The following CSMD1 variants were observed in gnomAD, a reference collection of about 807,000 sequenced individuals.
CSMD1 encodes CUB and sushi domain-containing protein 1.
A neutral mutation model predicts 417.5 loss-of-function variants in CSMD1; 213 were observed. That is an observed-to-expected ratio of 0.51 (90% CI 0.46 to 0.57). The LOEUF is 0.57. CSMD1 is among the 20% of genes least tolerant of loss of function. CSMD1 has a pLI of 0.00. For missense variants in CSMD1, 6,923 were observed against 4,529.7 expected (o/e 1.53, Z -15.17); for synonymous variants, 2,862 against 1,736.8 (o/e 1.65, Z -16.11).
At chr8:3,440,880 G>C (rs1487626947) in intron 12 of CSMD1, among the ~76,000 whole-genome samples, 8 of 152,170 alleles carry the variant, frequency 5.3e-5, no homozygotes, top group African/African-American at 1.9e-4. Context: ...GTTACAGCAG[G>C]CTTGATGGTG....
At chr8:3,240,951 G>T (rs1459418560) in intron 26 of CSMD1, among the ~76,000 whole-genome samples, 2 of 151,902 alleles carry the variant, frequency 1.3e-5, no homozygotes, top group Non-Finnish European at 2.9e-5. Flanking sequence ...CATGCTGTGG[G>T]ATGGGATATT....
intron 51 of CSMD1, among the ~76,000 whole-genome samples, chr8:3,027,041 C>G (rs28712477): frequency 4.6e-5 from 7 of 152,112 alleles, no homozygotes. Context: ...ACTACGACAT[C>G]TAAGACGGCA....
intron 3 of CSMD1, among the ~76,000 whole-genome samples, chr8:4,060,792 A>T (rs1223784284): frequency 1.3e-5 from 2 of 152,054 alleles, no homozygotes; most frequent in African/African-American, 2.4e-5. Flanking sequence ...CCCTGAGATT[A>T]AAAAAAGGTA....
At chr8:4,685,390 A>G (rs1243260571) in intron 1 of CSMD1, among the ~76,000 whole-genome samples, 1 of 152,114 alleles carries the variant, frequency 6.6e-6, no homozygotes, top group Non-Finnish European at 1.5e-5. Flanking sequence ...CCTGGCCAAC[A>G]TGGCAAAACC....
At chr8:4,696,613 T>G (rs945676276) in intron 1 of CSMD1, among the ~76,000 whole-genome samples, 1 of 152,196 alleles carries the variant, frequency 6.6e-6, no homozygotes, top group Admixed American at 6.5e-5. Context: ...AGATTTATTA[T>G]CCAAACAACG....
intron 60 of CSMD1, 70 bp downstream of exon 60, chr8:2,963,152 G>A: frequency 1.3e-6 from 2 of 1,531,888 alleles, no homozygotes; most frequent in South Asian, 2.3e-5. Flanking sequence ...GTAACCTTAG[G>A]ATGTGCCCTG....
chr8:4,892,506 A>C (rs1379946435), intron 1 of CSMD1, among the ~76,000 whole-genome samples: 1 of 152,166 alleles, frequency 6.6e-6, no homozygotes, highest in Non-Finnish European at 1.5e-5. Flanking sequence ...AAATATTTGC[A>C]AAGACACCTG....
chr8:4,458,322 G>T (rs1234001506), intron 2 of CSMD1, among the ~76,000 whole-genome samples: 1 of 151,820 alleles, frequency 6.6e-6, no homozygotes, highest in Non-Finnish European at 1.5e-5. Flanking sequence ...TGCGCACAAG[G>T]GATCGATTAG....
chr8:3,411,958 GTATATA>G lies in CSMD1; in HGVS notation c.1562-2359_1562-2354del, dbSNP rs1491342623. 1.5e-4 allele frequency among the ~76,000 whole-genome samples: 7 copies of G among 45,896 alleles called. 2 individuals are homozygous for G. Among genetic ancestry groups the G allele is most frequent in the Non-Finnish European group, 2.1e-4 (5 of 23,900 alleles). The allele number at this position is 45,896 out of a possible 152,430, so 30.1% of individuals were successfully genotyped here. ...CGTATATATGCACGTATATATACAC[GTATATA>G]TGCACGTATATATACACGTATATAT... On this transcript the variant is annotated intron_variant, in intron 12 of 69. Coordinates refer to ENST00000635120, the MANE Select transcript of CSMD1 (RefSeq NM_033225.6).
chr8:3,122,206 A>T (rs531238171), intron 41 of CSMD1, among the ~76,000 whole-genome samples: 2 of 152,326 alleles, frequency 1.3e-5, no homozygotes, highest in African/African-American at 4.8e-5. Flanking sequence ...TAGTTATAGA[A>T]TGAATGCTTT....
chr8:4,341,097 G>C (rs1585266762), intron 3 of CSMD1, among the ~76,000 whole-genome samples: 1 of 152,056 alleles, frequency 6.6e-6, no homozygotes. Flanking sequence ...AGAGAATAGA[G>C]ATATCTCATT....
At chr8:3,354,302 A>G (rs950270269) in intron 21 of CSMD1, among the ~76,000 whole-genome samples, 42 of 152,320 alleles carry the variant, frequency 2.8e-4, no homozygotes, top group African/African-American at 9.6e-4. Flanking sequence ...AATGGCTGGA[A>G]GTAAAGGTGT....
chr8:4,378,348 G>A (rs1802885717), intron 3 of CSMD1, among the ~76,000 whole-genome samples: 1 of 152,212 alleles, frequency 6.6e-6, no homozygotes, highest in African/African-American at 2.4e-5. Context: ...TTTAATGAAT[G>A]TAGGTGGAAC....
intron 3 of CSMD1, among the ~76,000 whole-genome samples, chr8:4,330,990 T>C (rs1799839440): frequency 6.6e-6 from 1 of 152,176 alleles, no homozygotes; most frequent in Non-Finnish European, 1.5e-5. Flanking sequence ...CAGCCGCCTT[T>C]GTGTTACTGT....
At position 3,839,406 on chromosome 8, in the gene CSMD1, A is replaced by C. The variant is rs1167748662; in HGVS notation, c.819-85364T>G. 6.7e-4 allele frequency among the ~76,000 whole-genome samples: 77 copies of C among 114,600 alleles called. 2 individuals are homozygous for C. The highest frequency in any genetic ancestry group is 1.7e-4 in the Non-Finnish European group (10 of 59,932). 75.2% of individuals were successfully genotyped at this position (114,600 alleles called of 152,430 possible). ...ACAGTCTCCATATATATTTATATATAATAAAAAATAAATATATATAATAAA... is the reference window on the plus strand; with the variant it reads ...ACAGTCTCCATATATATTTATATATCATAAAAAATAAATATATATAATAAA... On this transcript the variant is annotated intron_variant, in intron 5 of 69. Transcript: ENST00000635120.
intron 52 of CSMD1, among the ~76,000 whole-genome samples, chr8:3,004,387 C>A (rs1807693759): frequency 6.6e-6 from 1 of 152,088 alleles, no homozygotes; most frequent in African/African-American, 2.4e-5. Context: ...CAGAAATTGT[C>A]CTATTAAAGT....
rs1801728584 is a variant in CSMD1 at position 4,620,688 on chromosome 8, G to T, written c.302+16654C>A. ...GGACGAAGATAAAATCATAAGAGAA[G>T]TTAGAAAATATTTTAAACTAAATTA... On this transcript the variant is annotated intron_variant, in intron 2 of 69. Transcript: ENST00000635120. 2.0e-5 allele frequency among the ~76,000 whole-genome samples: 3 copies of T among 151,744 alleles called. No homozygotes were observed. In the South Asian group the frequency reaches 6.2e-4, roughly 32 times the overall value.
intron 1 of CSMD1, among the ~76,000 whole-genome samples, chr8:4,706,723 T>C (rs1324233533): frequency 6.6e-6 from 1 of 152,100 alleles, no homozygotes; most frequent in Non-Finnish European, 1.5e-5. Flanking sequence ...AAGACAGAGA[T>C]GTGGCCGGGG....
intron 3 of CSMD1, among the ~76,000 whole-genome samples, chr8:4,076,785 A>G (rs189311724): frequency 1.3e-5 from 2 of 152,250 alleles, no homozygotes; most frequent in Non-Finnish European, 2.9e-5. Context: ...AACAACAACC[A>G]TATCAGAGTA....
Sources: gnomAD v4.1 joint callset for allele counts (sites outside exome capture counted in the v4.1 genomes callset) on GRCh38, gnomAD v4.1.1 for gene constraint, MANE v1.5 for transcripts, NCBI Gene and HGNC (gene_info 2026-07-23, HGNC 2026-07-21) for gene names.